The following EFNA5 variants were observed in gnomAD, a reference collection of about 807,000 sequenced individuals.
EFNA5 encodes ephrin-A5.
Under a neutral mutation model 22.9 loss-of-function variants are expected in EFNA5, and 5 were observed. The observed-to-expected ratio is 0.22, with a 90% CI of 0.11 to 0.46. The LOEUF (loss-of-function observed/expected upper bound fraction) is 0.46. Among genes scored for constraint, EFNA5 ranks in the 20% least tolerant of loss-of-function variants. The pLI is 0.99. For synonymous variants in EFNA5, 113 were observed against 112.2 expected (o/e 1.01, Z -0.04); for missense variants, 237 against 293.3 (o/e 0.81, Z 1.40).
chr5:107,639,421 T>A lies in EFNA5; in HGVS notation c.125+31068A>T, dbSNP rs571676897. Among the ~76,000 whole-genome samples the A allele has an allele frequency of 3.9e-5, 6 of 152,348 alleles. No individual in the cohort carries two copies. The South Asian group carries it at 1.2e-3, about 32-fold the overall frequency. On this transcript the variant is annotated intron_variant, in intron 1 of 4. Transcript: ENST00000333274. ...TCACTTACTAAAGGTGTAACTTTCA[T>A]CCAATAATCTCTCAATGCCTTGGTA...
rs371156411 is a variant in EFNA5, at chr5:107,602,448, C to T, written c.125+68041G>A. On this transcript the variant is annotated intron_variant, in intron 1 of 4. Coordinates refer to ENST00000333274, the MANE Select transcript of EFNA5 (RefSeq NM_001962.3). ...AAAAATCAGAGCCTATTAAGCCTGC[C>T]ATTAGAAGGGAAAGTGGAATTGCTT... is the stretch of plus-strand genomic sequence containing the variant. 1.3e-5 allele frequency among the ~76,000 whole-genome samples: 2 copies of T among 152,262 alleles called. 1 individual carries two copies.
chr5:107,624,870 G>C (rs1008585590), intron 1 of EFNA5, among the ~76,000 whole-genome samples: 1 of 151,888 alleles, frequency 6.6e-6, no homozygotes, highest in Non-Finnish European at 1.5e-5. Context: ...AAAACAATAC[G>C]GTTTTCACAA....
intron 1 of EFNA5, among the ~76,000 whole-genome samples, chr5:107,561,688 G>A (rs1166367740): frequency 1.3e-5 from 2 of 152,106 alleles, no homozygotes; most frequent in Non-Finnish European, 2.9e-5. Flanking sequence ...ACACTTTCAT[G>A]AGAAAATTAC....
At chr5:107,491,163 C>T (rs1396797575) in intron 1 of EFNA5, among the ~76,000 whole-genome samples, 1 of 152,208 alleles carries the variant, frequency 6.6e-6, no homozygotes, top group East Asian at 1.9e-4. Context: ...CATAGGCTTG[C>T]TTTTCCATGG....
At chr5:107,462,291 G>C (rs528048190) in intron 1 of EFNA5, among the ~76,000 whole-genome samples, 4 of 152,106 alleles carry the variant, frequency 2.6e-5, no homozygotes, top group African/African-American at 9.7e-5. Flanking sequence ...AAAGAAAAGG[G>C]AAGAGATGAG....
At chr5:107,429,185 G>A (rs1748883261) in intron 1 of EFNA5, among the ~76,000 whole-genome samples, 1 of 152,236 alleles carries the variant, frequency 6.6e-6, no homozygotes, top group Non-Finnish European at 1.5e-5. Flanking sequence ...GCTCACGCCT[G>A]TAATCCCAGC....
At chr5:107,404,918 A>G (rs1342326153) in intron 2 of EFNA5, among the ~76,000 whole-genome samples, 3 of 152,242 alleles carry the variant, frequency 2.0e-5, no homozygotes, top group African/African-American at 4.8e-5. Context: ...TGCCCTATGC[A>G]TATTTTCTAA....
In EFNA5 at chr5:107,380,647, A is replaced by AT. The variant is rs1747426381; in HGVS notation, c.*607dup. 1 of 392,598 alleles carries AT rather than the reference A, an allele frequency of 2.5e-6. No homozygotes were observed. Among genetic ancestry groups the AT allele is most frequent in the African/African-American group, 2.1e-5 (1 of 47,828 alleles). 24.3% of individuals were successfully genotyped at this position (392,598 alleles called of 1,614,324 possible). Reference sequence around the variant, plus strand: ...GTCAAGAATGCTTTAAGACAGTCATATTAAAAAAAAAAACCAGTGTCTCAA... The same window carrying AT: ...GTCAAGAATGCTTTAAGACAGTCATATTTAAAAAAAAAAACCAGTGTCTCAA... On this transcript the variant is annotated 3_prime_UTR_variant, in exon 5 of 5. Coordinates refer to ENST00000333274, the MANE Select transcript of EFNA5 (RefSeq NM_001962.3).
At chr5:107,389,748 C>T (rs2112489995) in intron 2 of EFNA5, among the ~76,000 whole-genome samples, 1 of 152,304 alleles carries the variant, frequency 6.6e-6, no homozygotes, top group African/African-American at 2.4e-5. Context: ...GGAGAGTTCT[C>T]TCCATGAGCT....
chr5:107,412,681 T>C (rs1561375322), intron 2 of EFNA5, among the ~76,000 whole-genome samples: 1 of 152,206 alleles, frequency 6.6e-6, no homozygotes, highest in African/African-American at 2.4e-5. Flanking sequence ...CACGTTCAAC[T>C]GACCACTACA....
chr5:107,482,524 G>C lies in EFNA5; in HGVS notation c.126-55015C>G, dbSNP rs78498378. ...CTCACCTATTCTCAGATAAGACCCA[G>C]ATCTTGGGAAACAAATTAAGGGCGC... On this transcript the variant is annotated intron_variant, in intron 1 of 4. Transcript: ENST00000333274. 9.2e-3 allele frequency among the ~76,000 whole-genome samples: 1,400 copies of C among 152,218 alleles called. 24 individuals are homozygous for C. Among genetic ancestry groups the C allele is most frequent in the African/African-American group, 0.032 (1,337 of 41,534 alleles).
At chr5:107,384,546 G>T (rs1439521297) in intron 4 of EFNA5, among the ~76,000 whole-genome samples, 1 of 152,078 alleles carries the variant, frequency 6.6e-6, no homozygotes, top group East Asian at 1.9e-4. Flanking sequence ...CCCAGAGCTG[G>T]GGAAAGGTAA....
chr5:107,387,077 T>C (rs1747644989), intron 4 of EFNA5, among the ~76,000 whole-genome samples, 158 bp downstream of exon 4: 1 of 152,050 alleles, frequency 6.6e-6, no homozygotes, highest in Non-Finnish European at 1.5e-5. Flanking sequence ...ACTGGAGGAA[T>C]GAGGTAGAAT....
At chr5:107,528,067 T>C (rs1747734379) in intron 1 of EFNA5, among the ~76,000 whole-genome samples, 1 of 152,174 alleles carries the variant, frequency 6.6e-6, no homozygotes, top group South Asian at 2.1e-4. Flanking sequence ...TAGCACAAAA[T>C]TGCATCTCTA....
intron 1 of EFNA5, among the ~76,000 whole-genome samples, chr5:107,549,174 G>T (rs576377475): frequency 6.6e-6 from 1 of 152,028 alleles, no homozygotes; most frequent in African/African-American, 2.4e-5. Flanking sequence ...AAAAAAGAAA[G>T]CCCAAATTGT....
At chr5:107,387,511 C>A (rs1241935057) in intron 3 of EFNA5, among the ~76,000 whole-genome samples, 195 bp downstream of exon 3, 1 of 152,142 alleles carries the variant, frequency 6.6e-6, no homozygotes, top group East Asian at 1.9e-4. Context: ...AAGTTAGCAA[C>A]TGCTGTGTAC....
At chr5:107,441,138 C>T (rs1442096502) in intron 1 of EFNA5, among the ~76,000 whole-genome samples, 3 of 151,906 alleles carry the variant, frequency 2.0e-5, no homozygotes, top group Non-Finnish European at 4.4e-5. Context: ...GCTCAGGACA[C>T]TCTGTATCTG....
At chr5:107,412,036 G>A (rs1293803310) in intron 2 of EFNA5, among the ~76,000 whole-genome samples, 1 of 152,156 alleles carries the variant, frequency 6.6e-6, no homozygotes. Context: ...ATTCCAGAGT[G>A]TAGACACAGA....
At chr5:107,560,384 T>C (rs1457951470) in intron 1 of EFNA5, among the ~76,000 whole-genome samples, 1 of 152,204 alleles carries the variant, frequency 6.6e-6, no homozygotes, top group Non-Finnish European at 1.5e-5. Context: ...AGTTGACAGA[T>C]GAAATTTCCT....
Sources: gnomAD v4.1 joint callset for allele counts (sites outside exome capture counted in the v4.1 genomes callset) on GRCh38, gnomAD v4.1.1 for gene constraint, MANE v1.5 for transcripts, NCBI Gene and HGNC (gene_info 2026-07-23, HGNC 2026-07-21) for gene names.